Variants in ZBTB25 observed in about 807,000 individuals in gnomAD.
ZBTB25 encodes the protein zinc finger and BTB domain containing 25.
Under a neutral mutation model 34.2 loss-of-function variants are expected in ZBTB25, and 20 were observed. The observed-to-expected ratio is 0.58, with a 90% CI of 0.41 to 0.85. The LOEUF is 0.85. Among genes scored for constraint, ZBTB25 ranks in the 40% least tolerant of loss-of-function variants. The probability of loss-of-function intolerance (pLI) is 0.00; values close to 1 mark genes in which losing one functional copy is unlikely to be tolerated. For synonymous variants in ZBTB25, 175 were observed against 186.4 expected, an observed-to-expected ratio of 0.94 and a Z score of 0.50; for missense variants, 437 against 521.8, an observed-to-expected ratio of 0.84 and a Z score of 1.58.
At position 64,485,940 on chromosome 14, in the gene ZBTB25, C is replaced by T; in HGVS notation, c.*983G>A. On this transcript the variant is annotated 3_prime_UTR_variant, in exon 3 of 3. Coordinates refer to ENST00000608382, the MANE Select transcript of ZBTB25 (RefSeq NM_006977.5). ...TCTCTGTCTCTGCATGCTTATTTATCTATGTGTGTATATCTTACTGTTTCT... is the reference window on the plus strand; with the variant it reads ...TCTCTGTCTCTGCATGCTTATTTATTTATGTGTGTATATCTTACTGTTTCT... 1 of 985,182 alleles carries T rather than the reference C, an allele frequency of 1.0e-6. No individual in the cohort carries two copies. Among genetic ancestry groups the T allele is most frequent in the South Asian group, 4.7e-5 (1 of 21,276 alleles). 61.0% of individuals were successfully genotyped at this position (985,182 alleles called of 1,614,324 possible). A position where few individuals can be genotyped will look rare whatever the true frequency, so the allele number is the denominator to read the frequency against.
At chr14:64,493,949 A>G (rs966227437) in intron 1 of ZBTB25, among the ~76,000 whole-genome samples, 63 of 152,096 alleles carry the variant, frequency 4.1e-4, no homozygotes, top group Admixed American at 3.9e-3. Flanking sequence ...ATCAGCGGGG[A>G]CAAGAAGCAG....
chr14:64,467,554 G>C (rs969076548), intron 2 of ZBTB25: 7 of 151,900 alleles, frequency 4.6e-5, no homozygotes, highest in Non-Finnish European at 7.4e-5. Context: ...TTCCTTGATG[G>C]AACATACATT....
Position 64,481,756 on chromosome 14 carries a change from C to G in ZBTB25, c.*5167G>C, listed in dbSNP as rs928909539. ...CCAGGTTTGGGACTGTGCAATCTCA[C>G]CAGTTTTCAAAATGTCCAACCATAC... On this transcript the variant is annotated 3_prime_UTR_variant, in exon 3 of 3. Coordinates refer to ENST00000608382, the MANE Select transcript of ZBTB25 (RefSeq NM_006977.5). 6.6e-6 allele frequency: 1 copy of G among 152,168 alleles called. No individual in the cohort carries two copies. The highest frequency in any genetic ancestry group is 6.5e-5 in the Admixed American group (1 of 15,274). 9.4% of individuals were successfully genotyped at this position (152,168 alleles called of 1,614,324 possible).
At chr14:64,460,153 A>G (rs983723742) in intron 2 of ZBTB25, 1 of 514,408 alleles carries the variant, frequency 1.9e-6, no homozygotes, top group African/African-American at 1.9e-5. Context: ...TTAGAGGGAA[A>G]TGTATGCATG....
chr14:64,451,013 C>G (rs1344408942), intron 2 of ZBTB25, among the ~76,000 whole-genome samples: 2 of 151,948 alleles, frequency 1.3e-5, no homozygotes, highest in Admixed American at 1.3e-4. Flanking sequence ...ACTAAAAATA[C>G]AAAAAATTAG....
downstream of ZBTB25, among the ~76,000 whole-genome samples, chr14:64,477,289 T>G (rs1017448452): frequency 6.6e-6 from 1 of 152,230 alleles, no homozygotes; most frequent in Non-Finnish European, 1.5e-5. Context: ...TGTTGTGCAT[T>G]GTCTGCATGG....
chr14:64,501,722 G>C (rs1433495815), intron 1 of ZBTB25, among the ~76,000 whole-genome samples: 1 of 152,198 alleles, frequency 6.6e-6, no homozygotes, highest in East Asian at 1.9e-4. Context: ...AGGACATTAT[G>C]CAACACTTCC....
intron 1 of ZBTB25, among the ~76,000 whole-genome samples, chr14:64,492,929 TA>T (rs1222153379): frequency 6.6e-6 from 1 of 151,930 alleles, no homozygotes; most frequent in East Asian, 1.9e-4. Context: ...TAATATGAAA[TA>T]AATGCATTCA....
chr14:64,449,630 A>T lies in ZBTB25; in HGVS notation c.182T>A (p.Ile61Asn), dbSNP rs767582414. 4 of 1,613,722 alleles carry T rather than the reference A, an allele frequency of 2.5e-6. No individual in the cohort carries two copies. In the African/African-American group the frequency reaches 5.3e-5, roughly 22 times the overall value. Residue 61 changes from isoleucine (I) to asparagine (N), a missense_variant, in exon 3 of 3, where the codon ATC becomes AAC. By Grantham distance (149) the Ile-to-Asn change is moderately radical. Transcript: ENST00000555220. Reference sequence around the variant, plus strand: ...CTCCTTTATGACCTCAAGGTGGGTGATTTGCTGTCTGCAAAAAAAGAAAAA... The same window carrying T: ...CTCCTTTATGACCTCAAGGTGGGTGTTTTGCTGTCTGCAAAAAAAGAAAAA...
rs187530680 is a variant in ZBTB25, at chr14:64,486,281, G to A, written c.*642C>T. 1.8e-5 allele frequency: 18 copies of A among 978,948 alleles called. No individual in the cohort carries two copies. The highest frequency in any genetic ancestry group is 1.4e-4 in the South Asian group (3 of 21,166). The allele number at this position is 978,948 out of a possible 1,614,324, so 60.6% of individuals were successfully genotyped here. On this transcript the variant is annotated 3_prime_UTR_variant, in exon 3 of 3. Coordinates refer to ENST00000608382, the MANE Select transcript of ZBTB25 (RefSeq NM_006977.5). ...CGCGCCACTGCGCCCCAGCCTGGGC[G>A]ACACAGAGAGACTCTGTCTCAAAAA...
chr14:64,475,596 A>T (rs1052196640), downstream of ZBTB25, among the ~76,000 whole-genome samples: 4 of 151,986 alleles, frequency 2.6e-5, no homozygotes, highest in African/African-American at 9.7e-5. Context: ...GTGAATACCT[A>T]CTTTTCTTTC....
In ZBTB25 at chr14:64,465,057, GCA is replaced by G. The variant is rs375250475; in HGVS notation, c.174-15421_174-15420del. Among the ~76,000 whole-genome samples the G allele has an allele frequency of 5.9e-5, 9 of 152,322 alleles. No individual in the cohort carries two copies. In the South Asian group the frequency reaches 8.3e-4, roughly 14 times the overall value. On this transcript the variant is annotated intron_variant, in intron 2 of 2. Transcript: ENST00000555220. The stretch of plus-strand genomic sequence containing the variant: ...AACAAACATGACCTCGCTATTCTAT[GCA>G]CAGTTTTGAATCCTGCTTTTAAAAT...
rs1206659049 is a variant in ZBTB25, at chr14:64,485,794, T to C, written c.*1129A>G. On this transcript the variant is annotated 3_prime_UTR_variant, in exon 3 of 3. Coordinates refer to ENST00000608382, the MANE Select transcript of ZBTB25 (RefSeq NM_006977.5). ...CATGATTTATATTTTATCATCATTC[T>C]CTTTCAACTCATGTAAACCTCTGGT... is the stretch of plus-strand genomic sequence containing the variant. 2.0e-6 allele frequency: 2 copies of C among 985,290 alleles called. No homozygotes were observed. Among genetic ancestry groups the C allele is most frequent in the Non-Finnish European group, 2.4e-6 (2 of 829,928 alleles). The allele number at this position is 985,290 out of a possible 1,614,324, so 61.0% of individuals were successfully genotyped here.
chr14:64,497,529 AAT>A (rs34602446), intron 1 of ZBTB25, among the ~76,000 whole-genome samples: 34,913 of 152,128 alleles, frequency 0.23, 4,642 homozygotes, highest in Non-Finnish European at 0.31. Flanking sequence ...CCAGAATCAA[AAT>A]ATGAGTGCTA....
intron 2 of ZBTB25, among the ~76,000 whole-genome samples, chr14:64,464,849 CAT>C (rs150851907): frequency 0.032 from 4,927 of 152,280 alleles, 132 homozygotes; most frequent in Middle Eastern, 0.051. Flanking sequence ...ACCTTGTCCG[CAT>C]AGAGATGCAG....
At chr14:64,453,168 A>G (rs1186939389) in intron 2 of ZBTB25, among the ~76,000 whole-genome samples, 1 of 152,102 alleles carries the variant, frequency 6.6e-6, no homozygotes, top group Non-Finnish European at 1.5e-5. Context: ...ATGTGTATCT[A>G]TATCTATATA....
chr14:64,468,518 A>C lies in ZBTB25; in HGVS notation c.174-18880T>G, dbSNP rs547008009. 1.3e-5 allele frequency: 21 copies of C among 1,614,098 alleles called. No homozygotes were observed. Among genetic ancestry groups the C allele is most frequent in the South Asian group, 1.2e-4 (11 of 91,086 alleles). On this transcript the variant is annotated intron_variant, in intron 2 of 2. Transcript: ENST00000555220. ...CATGCTTTGCTTCAAGAGAAGAAAG[A>C]AAGCAGCCAAAGCACTGAAGCCCAA...
chr14:64,472,456 A>C (rs2078683040), intron 2 of ZBTB25: 1 of 167,030 alleles, frequency 6.0e-6, no homozygotes, highest in Non-Finnish European at 1.5e-5. Flanking sequence ...TGGTTAAGAA[A>C]GTAAAATTTT....
chr14:64,469,379 T>A (rs2078643995), intron 2 of ZBTB25: 1 of 1,613,834 alleles, frequency 6.2e-7, no homozygotes, highest in Non-Finnish European at 8.5e-7. Flanking sequence ...GAAATCCAAA[T>A]CAGAAGAAAG....
Sources: gnomAD v4.1 joint callset for allele counts (sites outside exome capture counted in the v4.1 genomes callset) on GRCh38, gnomAD v4.1.1 for gene constraint, MANE v1.5 for transcripts, NCBI Gene and HGNC (gene_info 2026-07-23, HGNC 2026-07-21) for gene names.